Variants in SLC27A1 observed in about 807,000 individuals in gnomAD.
SLC27A1 encodes solute carrier family 27 member 1.
In SLC27A1, 61 loss-of-function variants were observed where a neutral mutation model predicts 62.2. That is an observed-to-expected ratio of 0.98 (90% CI 0.80 to 1.21). SLC27A1 has a LOEUF of 1.21. Among genes scored for constraint, SLC27A1 ranks in the 50% most tolerant of loss-of-function variants. SLC27A1 has a pLI of 0.00. For missense variants in SLC27A1, 903 were observed against 932.1 expected (o/e 0.97, Z 0.41); for synonymous variants, 435 against 408.6 (o/e 1.06, Z -0.78).
In SLC27A1 at chr19:17,489,961, G is replaced by C. The variant is rs79042222; in HGVS notation, c.996+844G>C. The C allele has an allele frequency of 5.0e-4, 76 of 152,670 alleles. No homozygotes were observed. The East Asian group carries it at 0.012, about 23-fold the overall frequency. The allele number at this position is 152,670 out of a possible 1,614,324, so 9.5% of individuals were successfully genotyped here. On this transcript the variant is annotated intron_variant, in intron 6 of 11. Transcript: ENST00000252595. ...CAAGTTGGCAGATGCAGATTGGACA[G>C]ATGGGGCCCAGAGAGATTCAGGCCA...
chr19:17,480,541 C>CTTTTT (rs3079223), intron 1 of SLC27A1, among the ~76,000 whole-genome samples: 7,291 of 111,720 alleles, frequency 0.065, 659 homozygotes, highest in South Asian at 0.09. Flanking sequence ...TAATTTTTTT[C>CTTTTT]TTTTTTTTTT....
chr19:17,469,976 CTTGTACCTG>C (rs1182146015), upstream of SLC27A1, among the ~76,000 whole-genome samples: 1 of 149,068 alleles, frequency 6.7e-6, no homozygotes, highest in Admixed American at 6.7e-5. Flanking sequence ...GGGGAGAGGG[CTTGTACCTG>C]TGGGCTGGGC....
chr19:17,485,290 A>G (rs1448859519), intron 1 of SLC27A1, among the ~76,000 whole-genome samples: 1 of 144,820 alleles, frequency 6.9e-6, no homozygotes, highest in Admixed American at 7.3e-5. Context: ...GCTGTGTTTA[A>G]GCAATTCTCC....
intron 7 of SLC27A1, chr19:17,497,810 A>G (rs1250041507): frequency 3.0e-5 from 9 of 300,850 alleles, no homozygotes. Context: ...CCGTGCTGTT[A>G]TTTTGTTGTT....
chr19:17,492,805 G>A (rs1262372158), intron 6 of SLC27A1, among the ~76,000 whole-genome samples: 1 of 151,850 alleles, frequency 6.6e-6, no homozygotes, highest in East Asian at 1.9e-4. Flanking sequence ...GGGCGTGGTG[G>A]CACATGCCTG....
intron 6 of SLC27A1, 80 bp from the exon 7 acceptor site, chr19:17,497,175 C>T: frequency 3.5e-6 from 4 of 1,135,082 alleles, no homozygotes; most frequent in Non-Finnish European, 5.0e-6. Flanking sequence ...CTGGGTGGGG[C>T]GGTCTCGGGG....
chr19:17,479,994 C>T (rs935458617), intron 1 of SLC27A1, among the ~76,000 whole-genome samples: 3 of 151,982 alleles, frequency 2.0e-5, no homozygotes, highest in Admixed American at 6.6e-5. Context: ...TTCCCCCATT[C>T]GACTTTAAGA....
chr19:17,500,457 G>GC, intron 8 of SLC27A1, 38 bp from the exon 9 acceptor site: 74 of 1,612,132 alleles, frequency 4.6e-5, no homozygotes, highest in Non-Finnish European at 6.3e-5. Flanking sequence ...CCCACGCCCT[G>GC]CCTGCCTAGC....
chr19:17,475,323 C>G (rs530596183), intron 1 of SLC27A1, among the ~76,000 whole-genome samples: 7 of 152,178 alleles, frequency 4.6e-5, no homozygotes, highest in Admixed American at 1.3e-4. Flanking sequence ...GGAGGATTGC[C>G]TGAGGCCAGG....
chr19:17,499,572 G>C (rs1339445202), intron 7 of SLC27A1, among the ~76,000 whole-genome samples: 1 of 151,614 alleles, frequency 6.6e-6, no homozygotes, highest in Non-Finnish European at 1.5e-5. Flanking sequence ...TTGGGAGGCT[G>C]AGGTGGGTGG....
In SLC27A1 at chr19:17,504,798, CCT is replaced by C. The variant is rs199668849; in HGVS notation, c.*187_*188del. 1.8e-4 allele frequency: 134 copies of C among 750,348 alleles called. No homozygotes were observed. In the East Asian group the frequency reaches 1.9e-3, roughly 11 times the overall value. The allele number at this position is 750,348 out of a possible 1,614,324, so 46.5% of individuals were successfully genotyped here. On this transcript the variant is annotated 3_prime_UTR_variant, in exon 12 of 12. Transcript: ENST00000252595. ...CGTGCCTCTCTGCTGCCTTGGTGCC[CCT>C]GTGTCTGCCTCCTCTCCCTGCTTTT... is the stretch of plus-strand genomic sequence containing the variant.
At chr19:17,493,134 A>G (rs867738990) in intron 6 of SLC27A1, among the ~76,000 whole-genome samples, 4 of 149,588 alleles carry the variant, frequency 2.7e-5, no homozygotes, top group Non-Finnish European at 5.9e-5. Context: ...AAAAAAAAAA[A>G]AGAAAAATAG....
intron 6 of SLC27A1, among the ~76,000 whole-genome samples, chr19:17,493,319 C>G (rs1418703620): frequency 1.5e-5 from 2 of 133,348 alleles, no homozygotes; most frequent in Non-Finnish European, 3.2e-5. Flanking sequence ...TCCCAGCTAC[C>G]CGGGAGGCTG....
chr19:17,476,883 G>T (rs1432100042), intron 1 of SLC27A1, among the ~76,000 whole-genome samples: 8 of 131,860 alleles, frequency 6.1e-5, no homozygotes, highest in Admixed American at 1.7e-4. Flanking sequence ...ATGATCATCT[G>T]TTTTTTTTTT....
chr19:17,478,466 CAAAA>C (rs869214050), intron 1 of SLC27A1, among the ~76,000 whole-genome samples: 2 of 48,386 alleles, frequency 4.1e-5, no homozygotes, highest in Non-Finnish European at 3.9e-5. Flanking sequence ...GACTCCGTCT[CAAAA>C]AAAAAAAAAA....
chr19:17,479,650 CT>C (rs1289474415), intron 1 of SLC27A1, among the ~76,000 whole-genome samples: 19 of 152,174 alleles, frequency 1.2e-4, no homozygotes, highest in African/African-American at 4.3e-4. Context: ...CTCCCTCTCT[CT>C]CTCAATTTTT....
intron 6 of SLC27A1, among the ~76,000 whole-genome samples, chr19:17,492,565 G>C (rs1267193509): frequency 7.2e-6 from 1 of 139,104 alleles, no homozygotes; most frequent in Non-Finnish European, 1.5e-5. Context: ...GCAGTGAGCC[G>C]AGATCGCACC....
chr19:17,497,682 TC>T (rs1247143246), intron 7 of SLC27A1: 1 of 607,092 alleles, frequency 1.6e-6, no homozygotes, highest in African/African-American at 1.9e-5. Context: ...GTGACTGTGG[TC>T]CTTGGGTCAG....
chr19:17,488,970 G>A (rs1190288575), intron 5 of SLC27A1, 31 bp downstream of exon 5: 1 of 1,613,966 alleles, frequency 6.2e-7, no homozygotes, highest in Non-Finnish European at 8.5e-7. Flanking sequence ...AATGGTGGGT[G>A]GGGGCGGGGG....
Sources: gnomAD v4.1 joint callset for allele counts (sites outside exome capture counted in the v4.1 genomes callset) on GRCh38, gnomAD v4.1.1 for gene constraint, MANE v1.5 for transcripts, NCBI Gene and HGNC (gene_info 2026-07-23, HGNC 2026-07-21) for gene names.